Variants in CHM observed in about 807,000 individuals in gnomAD.
CHM encodes the protein CHM Rab escort protein.
Under a neutral mutation model 49.0 loss-of-function variants are expected in CHM, and 10 were observed. The ratio of observed to expected loss-of-function variants is 0.20; its 90% CI spans 0.13 to 0.35. CHM has a LOEUF of 0.35. Ranked by LOEUF, CHM falls within the 10% of genes least tolerant of loss-of-function variation. The pLI is 1.00. For synonymous variants in CHM, 184 were observed against 167.5 expected (o/e 1.10, Z -0.76); for missense variants, 455 against 478.4 (o/e 0.95, Z 0.46).
At chrX:86,031,145 T>A (rs1362245204) in intron 1 of CHM, among the ~76,000 whole-genome samples, 1 of 110,859 alleles carries the variant, frequency 9.0e-6, no homozygotes. Context: ...AATCAAAAAG[T>A]GGAATGGTGG....
Position 85,861,454 on chromosome X carries a change from A to G in CHM, c.*3176T>C, listed in dbSNP as rs1923347584. 9.0e-6 allele frequency: 1 copy of G among 111,640 alleles called. No individual in the cohort carries two copies. The highest frequency in any genetic ancestry group is 1.9e-5 in the Non-Finnish European group (1 of 53,072). 9.2% of individuals were successfully genotyped at this position (111,640 alleles called of 1,213,427 possible). A position where few individuals can be genotyped will look rare whatever the true frequency, so the allele number is the denominator to read the frequency against. On this transcript the variant is annotated 3_prime_UTR_variant, in exon 15 of 15. Coordinates refer to ENST00000357749, the MANE Select transcript of CHM (RefSeq NM_000390.4). ...GCTACCAAGGCTGACAATCCAGGTA[A>G]CTATGGCAGTGACAGAAGTCAATCA...
At chrX:86,004,020 A>T (rs1932800478) in intron 2 of CHM, among the ~76,000 whole-genome samples, 1 of 112,049 alleles carries the variant, frequency 8.9e-6, no homozygotes, top group Admixed American at 9.5e-5. Flanking sequence ...GAGAAAGGTC[A>T]AGTTACCCAC....
chrX:86,022,513 T>G (rs1420629773), intron 2 of CHM, among the ~76,000 whole-genome samples: 1 of 111,435 alleles, frequency 9.0e-6, no homozygotes, highest in African/African-American at 3.3e-5. Flanking sequence ...AACCTCTGAT[T>G]GTTTCCTTTC....
intron 9 of CHM, among the ~76,000 whole-genome samples, chrX:85,908,155 G>C (rs1440741389): frequency 8.9e-6 from 1 of 112,291 alleles, no homozygotes; most frequent in African/African-American, 3.2e-5. Flanking sequence ...TCCTTAGTGA[G>C]TACCCTAATT....
chrX:86,014,832 A>G (rs766217290), intron 2 of CHM, among the ~76,000 whole-genome samples: 2 of 111,775 alleles, frequency 1.8e-5, no homozygotes, highest in Non-Finnish European at 3.8e-5. Context: ...CATTAGTGCC[A>G]GAATGAAGAG....
Position 86,024,442 on chromosome X carries a change from G to A in CHM, c.116+3049C>T, listed in dbSNP as rs1286216220. On this transcript the variant is annotated intron_variant, in intron 2 of 14. Coordinates refer to ENST00000357749, the MANE Select transcript of CHM (RefSeq NM_000390.4). ...TGCTTTCATCTTTTCAAGTTGTTTC[G>A]GTTCCCTCACTAAGTCTTTCTTTTA... 3.6e-5 allele frequency among the ~76,000 whole-genome samples: 4 copies of A among 112,117 alleles called. No individual in the cohort carries two copies. The East Asian group carries it at 1.1e-3, about 31-fold the overall frequency.
intron 11 of CHM, 67 bp from the exon 12 acceptor site, chrX:85,894,351 ATGC>A (rs1244632231): frequency 1.2e-6 from 1 of 818,052 alleles, no homozygotes; most frequent in Non-Finnish European, 1.8e-6. Context: ...TAACATTAAA[ATGC>A]TGTTAACTTC....
At chrX:85,938,101 G>A (rs1446629807) in intron 8 of CHM, among the ~76,000 whole-genome samples, 2 of 111,641 alleles carry the variant, frequency 1.8e-5, no homozygotes, top group East Asian at 5.6e-4. Flanking sequence ...TAACGACAAT[G>A]TTCACTGATC....
At chrX:85,897,240 A>G (rs1208640499) in intron 11 of CHM, among the ~76,000 whole-genome samples, 1 of 100,990 alleles carries the variant, frequency 9.9e-6, no homozygotes, top group African/African-American at 3.6e-5. Context: ...ATACTAGCAT[A>G]TATGAAATAG....
intron 1 of CHM, among the ~76,000 whole-genome samples, chrX:86,029,220 G>A (rs1933951818): frequency 8.9e-6 from 1 of 112,038 alleles, no homozygotes; most frequent in Non-Finnish European, 1.9e-5. Context: ...TGGAGTAGAG[G>A]GAAATAGGAG....
At chrX:85,912,060 C>CAA (rs5902891) in intron 8 of CHM, among the ~76,000 whole-genome samples, 20 of 109,065 alleles carry the variant, frequency 1.8e-4, no homozygotes, top group South Asian at 1.2e-3. Context: ...AGAAAACAAG[C>CAA]AAAAAAACCC....
intron 8 of CHM, among the ~76,000 whole-genome samples, chrX:85,938,544 CTT>C (rs528393414): frequency 4.7e-4 from 43 of 91,112 alleles, no homozygotes; most frequent in Middle Eastern, 5.7e-3. Context: ...GGTTCCTAAT[CTT>C]TTTTTTTTTT....
intron 2 of CHM, among the ~76,000 whole-genome samples, chrX:86,021,126 G>GTATATA (rs3078128): frequency 0.039 from 2,195 of 55,767 alleles, 69 homozygotes; most frequent in East Asian, 0.056. Context: ...GTGTATATAC[G>GTATATA]TATATATATA....
chrX:85,866,317 C>T (rs1017988534), intron 14 of CHM, among the ~76,000 whole-genome samples: 2 of 112,475 alleles, frequency 1.8e-5, no homozygotes, highest in Admixed American at 9.4e-5. Context: ...AAGCCCCGAG[C>T]GTTGCCAGCT....
chrX:85,873,805 AGTT>A (rs1210073142), intron 13 of CHM, among the ~76,000 whole-genome samples: 1 of 111,878 alleles, frequency 8.9e-6, no homozygotes, highest in Non-Finnish European at 1.9e-5. Flanking sequence ...ATCTCAATAA[AGTT>A]ATTATTAAAA....
chrX:85,960,250 G>T (rs1930225401), intron 5 of CHM, among the ~76,000 whole-genome samples: 1 of 111,484 alleles, frequency 9.0e-6, no homozygotes, highest in Admixed American at 9.5e-5. Flanking sequence ...TATAAAATAT[G>T]AAACTGCATT....
At chrX:85,911,129 G>GTATATATA (rs763538907) in intron 9 of CHM, 132 bp downstream of exon 9, 7 of 6,897 alleles carry the variant, frequency 1.0e-3, no homozygotes, top group African/African-American at 4.2e-3. Context: ...GTGTGTATAT[G>GTATATATA]TATATATATA....
In CHM at chrX:85,941,460, T is replaced by C. The variant is rs755741247; in HGVS notation, c.1166+14693A>G. ...ATACAATTTCCTCAGTTATACATCATCTGCTATTCATTCATTAATCCATCA... is the reference window on the plus strand; with the variant it reads ...ATACAATTTCCTCAGTTATACATCACCTGCTATTCATTCATTAATCCATCA... On this transcript the variant is annotated intron_variant, in intron 8 of 14. Transcript: ENST00000357749. Among the ~76,000 whole-genome samples, 6 of 112,092 alleles carry C rather than the reference T, an allele frequency of 5.4e-5. No individual in the cohort carries two copies. The East Asian group carries it at 1.4e-3, about 26-fold the overall frequency.
chrX:85,895,224 C>T (rs1925752903), intron 11 of CHM, among the ~76,000 whole-genome samples: 1 of 105,289 alleles, frequency 9.5e-6, no homozygotes, highest in Non-Finnish European at 1.9e-5. Context: ...CAACCCCCGC[C>T]TCCTGGGTTC....
Sources: allele counts gnomAD v4.1 joint callset (sites outside exome capture counted in the v4.1 genomes callset), GRCh38; gene constraint gnomAD v4.1.1; transcripts MANE v1.5; gene names NCBI Gene and HGNC (gene_info 2026-07-23, HGNC 2026-07-21).